Variants in DIS3L2 observed in about 807,000 individuals in gnomAD.
The protein encoded by DIS3L2 is DIS3 like 3'-5' exoribonuclease 2.
In DIS3L2, 34 loss-of-function variants were observed where a neutral mutation model predicts 97.5. That is an observed-to-expected ratio of 0.35 (90% CI 0.27 to 0.46). The LOEUF (loss-of-function observed/expected upper bound fraction) is 0.46, where lower values mean the gene tolerates loss of function less well. Ranked by LOEUF, DIS3L2 falls within the 20% of genes least tolerant of loss-of-function variation. The pLI is 1.00. For synonymous variants in DIS3L2, 435 were observed against 445.2 expected (o/e 0.98, Z 0.29); for missense variants, 1,038 against 1,146.0 (o/e 0.91, Z 1.36).
intron 13 of DIS3L2, among the ~76,000 whole-genome samples, chr2:232,282,038 G>A (rs892962194): frequency 6.6e-6 from 1 of 151,446 alleles, no homozygotes; most frequent in Non-Finnish European, 1.5e-5. Context: ...GAGCCCAGAG[G>A]CTACTGTGGA....
At chr2:232,343,088 C>G (rs1696148985) in intron 13 of DIS3L2, 1 of 445,066 alleles carries the variant, frequency 2.2e-6, no homozygotes, top group Non-Finnish European at 4.1e-6. Context: ...TCCATGTTCC[C>G]CGGCACTGCC....
chr2:231,976,925 G>A (rs544985408), intron 1 of DIS3L2, among the ~76,000 whole-genome samples: 47 of 151,650 alleles, frequency 3.1e-4, no homozygotes, highest in Non-Finnish European at 3.7e-4. Context: ...CCGCCACCAC[G>A]CCCAGCTAAT....
chr2:232,330,576 A>G (rs573367869), intron 15 of DIS3L2, 114 bp from the exon 16 acceptor site: 2 of 1,077,150 alleles, frequency 1.9e-6, no homozygotes, highest in East Asian at 2.4e-5. Context: ...GCTGAGCCCC[A>G]CAGGCAACTC....
intron 10 of DIS3L2, among the ~76,000 whole-genome samples, chr2:232,220,491 C>T (rs1458008388): frequency 6.6e-6 from 1 of 152,046 alleles, no homozygotes; most frequent in Non-Finnish European, 1.5e-5. Context: ...GGGCAGATCA[C>T]CAGGGCAAGA....
Position 232,281,720 on chromosome 2 carries a change from C to T in DIS3L2, c.1659+18280C>T, listed in dbSNP as rs181370836. ...AAGACGTGCCACCCAGGAGCATCAT[C>T]GGCACCACCCAGGGGAGGAAGAGCA... is the stretch of plus-strand genomic sequence containing the variant. On this transcript the variant is annotated intron_variant, in intron 13 of 20. Transcript: ENST00000325385. This position sits in a 1 kb window ranked among gnomAD's most constrained non-coding sequence, Gnocchi z 4.1. 4.6e-5 allele frequency among the ~76,000 whole-genome samples: 7 copies of T among 152,200 alleles called. No individual in the cohort carries two copies. The South Asian group carries it at 6.2e-4, about 14-fold the overall frequency.
Position 232,263,419 on chromosome 2 carries a change from C to T in DIS3L2, c.1638C>T (p.Asp546=), listed in dbSNP as rs775532734. The change falls in exon 13 of 21, where the codon GAC becomes GAT. Residue 546 remains aspartate (D), a synonymous_variant. Transcript: ENST00000325385. ...AKQLRQQRFV[D]GALRLDQLKL... is the part of the protein sequence containing the mutation. ...AGTTACGCCAGCAGCGCTTTGTGGA[C>T]GGCGCACTTCGTTTGGATCAGGTCA... 51 of 1,614,028 alleles carry T rather than the reference C, an allele frequency of 3.2e-5. No individual in the cohort carries two copies. Among genetic ancestry groups the T allele is most frequent in the African/African-American group, 1.3e-4 (10 of 74,926 alleles).
intron 1 of DIS3L2, among the ~76,000 whole-genome samples, chr2:231,975,626 A>G (rs1055441759): frequency 6.8e-6 from 1 of 146,216 alleles, no homozygotes; most frequent in Non-Finnish European, 1.5e-5. Flanking sequence ...AATGGCGTGA[A>G]CCCAGGACGC....
chr2:231,966,033 T>G (rs1392395596), intron 1 of DIS3L2, among the ~76,000 whole-genome samples: 2 of 152,196 alleles, frequency 1.3e-5, no homozygotes, highest in Non-Finnish European at 2.9e-5. Context: ...AGAAGGAGTT[T>G]CATGAAATGC....
chr2:232,185,508 A>G (rs1691407432), intron 9 of DIS3L2, among the ~76,000 whole-genome samples: 1 of 152,204 alleles, frequency 6.6e-6, no homozygotes, highest in Non-Finnish European at 1.5e-5. Flanking sequence ...AGATCTCAGC[A>G]GTGAGCTATG....
chr2:232,174,836 G>GT (rs150610608), intron 9 of DIS3L2, among the ~76,000 whole-genome samples: 2,273 of 147,648 alleles, frequency 0.015, 22 homozygotes, highest in East Asian at 0.022. Flanking sequence ...CAGTCATTCA[G>GT]TTTTTTTTTT....
At chr2:232,263,665 C>T (rs897412862) in intron 13 of DIS3L2, among the ~76,000 whole-genome samples, 1 of 152,136 alleles carries the variant, frequency 6.6e-6, no homozygotes, top group Non-Finnish European at 1.5e-5. Flanking sequence ...CACAGGTACA[C>T]GAGGCCTAAT....
At chr2:232,232,612 C>T (rs1233887597) in intron 10 of DIS3L2, among the ~76,000 whole-genome samples, 2 of 152,042 alleles carry the variant, frequency 1.3e-5, no homozygotes, top group African/African-American at 4.8e-5. Flanking sequence ...GGAGGTGATC[C>T]CACTTCCTGG....
chr2:232,097,198 T>A (rs1697048046), intron 6 of DIS3L2, among the ~76,000 whole-genome samples: 1 of 152,210 alleles, frequency 6.6e-6, no homozygotes, highest in African/African-American at 2.4e-5. Flanking sequence ...TTGGATAAGA[T>A]CTGGAAGAAT....
chr2:232,167,493 T>C (rs1039026614), intron 9 of DIS3L2, among the ~76,000 whole-genome samples: 9 of 152,210 alleles, frequency 5.9e-5, no homozygotes, highest in African/African-American at 1.7e-4. Context: ...AAGTTCTGTA[T>C]GTTTTGGTAC....
chr2:232,019,022 GTGA>G (rs1479174603), intron 3 of DIS3L2, among the ~76,000 whole-genome samples: 2 of 152,158 alleles, frequency 1.3e-5, no homozygotes, highest in African/African-American at 4.8e-5. Context: ...CCAGTTTAGG[GTGA>G]TGATCAAGGT....
intron 5 of DIS3L2, among the ~76,000 whole-genome samples, chr2:232,057,213 A>G (rs967434442): frequency 3.9e-5 from 6 of 152,156 alleles, no homozygotes; most frequent in African/African-American, 9.7e-5. Flanking sequence ...TGAAGGGGCA[A>G]TAATTGAAAG....
At chr2:232,050,141 T>C (rs906501133) in intron 5 of DIS3L2, among the ~76,000 whole-genome samples, 1 of 152,198 alleles carries the variant, frequency 6.6e-6, no homozygotes, top group Non-Finnish European at 1.5e-5. Flanking sequence ...CTTTCTACAG[T>C]GATTTAAGAC....
At chr2:232,257,079 A>G (rs561239304) in intron 12 of DIS3L2, among the ~76,000 whole-genome samples, 1 of 152,294 alleles carries the variant, frequency 6.6e-6, no homozygotes, top group East Asian at 1.9e-4. Flanking sequence ...CTGTGAAGAG[A>G]AAGCGAGCAT....
At chr2:232,329,791 C>CA in intron 14 of DIS3L2, 22 bp from the exon 15 acceptor site, 1 of 334,004 alleles carries the variant, frequency 3.0e-6, no homozygotes, top group Non-Finnish European at 5.9e-6. Context: ...GCGGTCCCTC[C>CA]CATCCCACCC....
Sources: allele counts gnomAD v4.1 joint callset (sites outside exome capture counted in the v4.1 genomes callset), GRCh38; gene constraint gnomAD v4.1.1; non-coding constraint Gnocchi (gnomAD v3.1); transcripts MANE v1.5; gene names NCBI Gene and HGNC (gene_info 2026-07-23, HGNC 2026-07-21).